The following MAF variants were observed in gnomAD, a reference collection of about 807,000 sequenced individuals.
MAF encodes transcription factor Maf.
Under a neutral mutation model 22.0 loss-of-function variants are expected in MAF, and 10 were observed. The observed-to-expected ratio is 0.45, with a 90% confidence interval of 0.28 to 0.77. MAF has a LOEUF of 0.77. Among genes scored for constraint, MAF ranks in the 30% least tolerant of loss-of-function variants. The pLI is 0.12. For synonymous variants in MAF, 337 were observed against 255.8 expected (o/e 1.32, Z -3.03); for missense variants, 544 against 548.4 (o/e 0.99, Z 0.08).
the MAF span, among the ~76,000 whole-genome samples, chr16:79,541,367 C>G: frequency 8.9e-4 from 136 of 152,208 alleles, no homozygotes; most frequent in African/African-American, 3.2e-3. Context: ...TATTTGTACC[C>G]GTAACCCAAA....
At chr16:79,558,252 A>G in the MAF span, among the ~76,000 whole-genome samples, 2 of 152,168 alleles carry the variant, frequency 1.3e-5, no homozygotes, top group African/African-American at 4.8e-5. Flanking sequence ...GAGCTATGCC[A>G]TGTTGAAAAA....
chr16:79,586,505 C>G (rs1567557245), intron 1 of MAF, among the ~76,000 whole-genome samples: 2 of 152,196 alleles, frequency 1.3e-5, no homozygotes, highest in East Asian at 3.8e-4. Context: ...GATACTGCCT[C>G]TTTATTTGTT....
chr16:79,275,445 T>C, the MAF span, among the ~76,000 whole-genome samples: 3 of 152,232 alleles, frequency 2.0e-5, no homozygotes, highest in Admixed American at 6.5e-5. Context: ...CTCACAACTC[T>C]TAAAATGGAA....
the MAF span, among the ~76,000 whole-genome samples, chr16:79,372,474 A>T: frequency 6.6e-6 from 1 of 152,234 alleles, no homozygotes; most frequent in South Asian, 2.1e-4. Context: ...GCATGTTAAA[A>T]TATTAATAGA....
At chr16:79,505,246 C>T in the MAF span, among the ~76,000 whole-genome samples, 1 of 152,138 alleles carries the variant, frequency 6.6e-6, no homozygotes, top group Admixed American at 6.5e-5. Flanking sequence ...AAACACAATT[C>T]AAAATGTAAT....
the MAF span, among the ~76,000 whole-genome samples, chr16:79,283,640 G>A: frequency 6.6e-6 from 1 of 152,182 alleles, no homozygotes; most frequent in Non-Finnish European, 1.5e-5. Context: ...GGTAGTTTCT[G>A]AAAATTGTCC....
At chr16:79,261,992 A>C in the MAF span, among the ~76,000 whole-genome samples, 1 of 152,046 alleles carries the variant, frequency 6.6e-6, no homozygotes, top group Non-Finnish European at 1.5e-5. Flanking sequence ...GCTGCAGAAA[A>C]CATCATGCAC....
At chr16:79,278,297 T>C in the MAF span, among the ~76,000 whole-genome samples, 6 of 152,380 alleles carry the variant, frequency 3.9e-5, no homozygotes, top group African/African-American at 1.4e-4. Flanking sequence ...TGCATGTTCC[T>C]GACTTTTCCA....
the MAF span, among the ~76,000 whole-genome samples, chr16:79,382,929 G>A: frequency 6.6e-6 from 1 of 152,158 alleles, no homozygotes; most frequent in Non-Finnish European, 1.5e-5. Flanking sequence ...GGCCTTTCGA[G>A]CCCAGGTCTG....
At chr16:79,585,386 G>A (rs994685000), downstream of MAF, among the ~76,000 whole-genome samples, 1 of 151,970 alleles carries the variant, frequency 6.6e-6, no homozygotes, top group Admixed American at 6.6e-5. Flanking sequence ...ACACTAAAAT[G>A]TCCAAATGTA....
chr16:79,309,518 C>T, the MAF span, among the ~76,000 whole-genome samples: 35 of 152,294 alleles, frequency 2.3e-4, no homozygotes, highest in African/African-American at 8.2e-4. Context: ...GATTTTGGTG[C>T]ATTGCCTTGC....
chr16:79,582,827 T>C (rs1458745518), downstream of MAF, among the ~76,000 whole-genome samples: 1 of 152,234 alleles, frequency 6.6e-6, no homozygotes, highest in Non-Finnish European at 1.5e-5. Context: ...AGCATTCTCC[T>C]TCCCTTCTTG....
At chr16:79,252,732 C>T in the MAF span, among the ~76,000 whole-genome samples, 4 of 152,116 alleles carry the variant, frequency 2.6e-5, no homozygotes, top group Non-Finnish European at 4.4e-5. Context: ...TCAGGTGATC[C>T]GCCCGCCTCA....
the MAF span, among the ~76,000 whole-genome samples, chr16:79,515,461 C>G: frequency 2.0e-5 from 3 of 151,966 alleles, no homozygotes; most frequent in African/African-American, 7.3e-5. Context: ...CACTTTATTA[C>G]AAAACAGACT....
At chr16:79,207,488 T>C in the MAF span, among the ~76,000 whole-genome samples, 1 of 152,230 alleles carries the variant, frequency 6.6e-6, no homozygotes, top group Admixed American at 6.5e-5. Context: ...CTTTCATAAC[T>C]CTACTTTTTG....
the MAF span, among the ~76,000 whole-genome samples, chr16:79,525,343 A>G: frequency 3.9e-4 from 60 of 152,314 alleles, 1 homozygote; most frequent in South Asian, 0.011. Flanking sequence ...ACTTGGCAAG[A>G]CAACAGAAAT....
chr16:79,320,064 CAGAA>C, the MAF span, among the ~76,000 whole-genome samples: 1 of 152,048 alleles, frequency 6.6e-6, no homozygotes, highest in African/African-American at 2.4e-5. Flanking sequence ...GCATGGCAGA[CAGAA>C]GGAAGGCCAG....
chr16:79,321,599 A>G, the MAF span, among the ~76,000 whole-genome samples: 1 of 151,914 alleles, frequency 6.6e-6, no homozygotes, highest in Non-Finnish European at 1.5e-5. Flanking sequence ...CAGAATCAGG[A>G]AAGAACAGAG....
At chr16:79,384,167 G>A in the MAF span, among the ~76,000 whole-genome samples, 1 of 152,118 alleles carries the variant, frequency 6.6e-6, no homozygotes, top group Non-Finnish European at 1.5e-5. Context: ...GTGATGGCCG[G>A]GGGTGGTGAC....
Sources: allele counts gnomAD v4.1 joint callset (sites outside exome capture counted in the v4.1 genomes callset), GRCh38; gene constraint gnomAD v4.1.1; transcripts MANE v1.5; gene names NCBI Gene and HGNC (gene_info 2026-07-23, HGNC 2026-07-21).